Variants in CCDC88A observed in about 807,000 individuals in gnomAD.
CCDC88A encodes the protein girdin.
CCDC88A carries 54 observed loss-of-function variants against 234.3 expected under a neutral mutation model. The observed-to-expected ratio is 0.23, with a 90% CI of 0.19 to 0.29. The LOEUF (loss-of-function observed/expected upper bound fraction) is 0.29. Ranked by LOEUF, CCDC88A falls within the 10% of genes least tolerant of loss-of-function variation. The pLI is 1.00. For missense variants in CCDC88A, 1,832 were observed against 2,123.4 expected, an observed-to-expected ratio of 0.86 and a Z score of 2.70; for synonymous variants, 753 against 737.8, an observed-to-expected ratio of 1.02 and a Z score of -0.33.
intron 2 of CCDC88A, among the ~76,000 whole-genome samples, chr2:55,415,821 A>G (rs919387909): frequency 4.6e-5 from 7 of 152,212 alleles, no homozygotes; most frequent in African/African-American, 1.4e-4. Context: ...TTGCCTCAAC[A>G]GTGTGACAAA....
Position 55,418,894 on chromosome 2 carries a change from G to T in CCDC88A, c.86C>A (p.Ala29Asp), listed in dbSNP as rs1018580750. 7 of 1,613,994 alleles carry T rather than the reference G, an allele frequency of 4.3e-6. No homozygotes were observed. The highest frequency in any genetic ancestry group is 4.5e-5 in the East Asian group (2 of 44,876). ...VTWVKTFGPL[A>D]AGNGTNLDEY... Reference sequence around the variant, plus strand: ...ATCAAGGTTGGTCCCATTTCCTGCGGCCAGAGGTCCAAACGTTTTAACCTA... The same window carrying T: ...ATCAAGGTTGGTCCCATTTCCTGCGTCCAGAGGTCCAAACGTTTTAACCTA... The change falls in exon 2 of 33, where the codon GCC becomes GAC. Residue 29 changes from alanine (A) to aspartate (D), a missense_variant. Transcript: ENST00000436346.
intron 2 of CCDC88A, among the ~76,000 whole-genome samples, chr2:55,403,008 A>G (rs1678976648): frequency 1.4e-5 from 2 of 140,260 alleles, no homozygotes; most frequent in Non-Finnish European, 3.1e-5. Flanking sequence ...GACTCCGTCT[A>G]AAAAAAAAAA....
Position 55,290,417 on chromosome 2 carries a change from A to G in CCDC88A, c.*783T>C, listed in dbSNP as rs1238002587. On this transcript the variant is annotated 3_prime_UTR_variant, in exon 33 of 33. Transcript: ENST00000436346. Reference sequence around the variant, plus strand: ...AAAGCACAACAGCTTTATCTTGGGAATGCCATTTGCTGAAAAACCATCTTA... The same window carrying G: ...AAAGCACAACAGCTTTATCTTGGGAGTGCCATTTGCTGAAAAACCATCTTA... The G allele has an allele frequency of 6.6e-6, 1 of 152,092 alleles. No homozygotes were observed. The highest frequency in any genetic ancestry group is 1.5e-5 in the Non-Finnish European group (1 of 67,944). The allele number at this position is 152,092 out of a possible 1,614,324, so 9.4% of individuals were successfully genotyped here.
intron 5 of CCDC88A, among the ~76,000 whole-genome samples, chr2:55,369,945 T>C (rs1672576475): frequency 6.6e-6 from 1 of 152,200 alleles, no homozygotes; most frequent in Non-Finnish European, 1.5e-5. Flanking sequence ...GTCTTTTTTC[T>C]AAAATCCTTG....
intron 31 of CCDC88A, chr2:55,294,029 G>T (rs2104544329): frequency 6.6e-6 from 1 of 152,620 alleles, no homozygotes; most frequent in Middle Eastern, 3.4e-3. Flanking sequence ...ATTTTAGTGT[G>T]ATTATTCATT....
intron 10 of CCDC88A, among the ~76,000 whole-genome samples, chr2:55,345,183 A>T (rs1668944579): frequency 1.3e-5 from 2 of 152,174 alleles, no homozygotes; most frequent in African/African-American, 4.8e-5. Context: ...GTCTTTAAAT[A>T]ACTGGCAAAT....
intron 18 of CCDC88A, among the ~76,000 whole-genome samples, chr2:55,321,428 G>A (rs1309587026): frequency 1.3e-5 from 2 of 152,174 alleles, no homozygotes; most frequent in East Asian, 3.9e-4. Context: ...GCAGGCGCCT[G>A]TAGTCCCAGC....
At chr2:55,413,389 T>C (rs13424427) in intron 2 of CCDC88A, among the ~76,000 whole-genome samples, 2,366 of 152,264 alleles carry the variant, frequency 0.016, 67 homozygotes, top group African/African-American at 0.054. Context: ...TAGATAATCC[T>C]TCCCCATCAG....
At chr2:55,369,748 G>A (rs1053514909) in intron 5 of CCDC88A, among the ~76,000 whole-genome samples, 2 of 152,012 alleles carry the variant, frequency 1.3e-5, no homozygotes, top group Non-Finnish European at 2.9e-5. Flanking sequence ...CTTGAATAGG[G>A]TGTTTTCTCA....
chr2:55,339,474 A>C lies in CCDC88A; in HGVS notation c.1508T>G (p.Leu503Arg). 1 of 1,556,422 alleles carries C rather than the reference A, an allele frequency of 6.4e-7. No individual in the cohort carries two copies. The highest frequency in any genetic ancestry group is 8.7e-7 in the Non-Finnish European group (1 of 1,145,834). Residue 503 changes from leucine (L) to arginine (R), a missense_variant, in exon 13 of 33, where the codon CTC becomes CGC. Around this residue, in one of 6 missense-constraint regions of CCDC88A, gnomAD observed 1,282 missense variants for 1,543.6 expected, o/e 0.83. Coordinates refer to ENST00000436346, the MANE Select transcript of CCDC88A (RefSeq NM_001365480.1). ...ILKMEKENQR[L>R]SKKVEILENE... ...TACATTTTAATTTACCTTTTTACTG[A>C]GCCTTTGATTTTCTTTTTCCATTTT...
intron 17 of CCDC88A, among the ~76,000 whole-genome samples, chr2:55,326,162 T>C (rs1684233439): frequency 7.3e-6 from 1 of 136,144 alleles, no homozygotes; most frequent in African/African-American, 3.0e-5. Flanking sequence ...CTTTCTTCCC[T>C]GTTTCTTCTT....
intron 10 of CCDC88A, 98 bp from the exon 11 acceptor site, chr2:55,344,612 G>T: frequency 1.6e-6 from 1 of 633,022 alleles, no homozygotes; most frequent in Non-Finnish European, 2.5e-6. Context: ...TTTATCAACA[G>T]TTCTATGCAT....
chr2:55,373,597 C>T (rs907742127), intron 4 of CCDC88A, among the ~76,000 whole-genome samples: 9 of 152,146 alleles, frequency 5.9e-5, no homozygotes, highest in African/African-American at 1.7e-4. Context: ...ACCATAAGAG[C>T]TTCTAGAACA....
At chr2:55,300,135 T>A (rs1006761113) in intron 28 of CCDC88A, 3 of 488,646 alleles carry the variant, frequency 6.1e-6, no homozygotes, top group Non-Finnish European at 1.1e-5. Context: ...AAGAGGAGGA[T>A]AAAGTGCATA....
chr2:55,357,823 G>A (rs184757407), intron 7 of CCDC88A, among the ~76,000 whole-genome samples: 120 of 152,086 alleles, frequency 7.9e-4, no homozygotes, highest in Non-Finnish European at 8.5e-4. Flanking sequence ...ATTGCTTTCC[G>A]ATTCCAGTAT....
intron 3 of CCDC88A, among the ~76,000 whole-genome samples, chr2:55,387,511 G>A (rs896547198): frequency 1.3e-5 from 2 of 151,886 alleles, no homozygotes; most frequent in South Asian, 2.1e-4. Flanking sequence ...GCCAGGCATG[G>A]GGGCTCATGC....
rs371735739 is a variant in CCDC88A, at chr2:55,295,909, G to A, written c.5239C>T (p.Arg1747Trp). Reference protein sequence around the residue: ...GKTPGDFYDRRTTKPEFLRPG... With the variant: ...GKTPGDFYDRWTTKPEFLRPG... ...CTCAAAAACTCAGGCTTAGTTGTCC[G>A]TCTATCATAGAAGTCCCCTGGGGTT... is the stretch of plus-strand genomic sequence containing the variant. Residue 1747 changes from arginine to tryptophan, a missense_variant, in exon 31 of 33, where the codon CGG becomes TGG. By Grantham distance (101) the Arg-to-Trp change is moderately radical. Coordinates refer to ENST00000436346, the MANE Select transcript of CCDC88A (RefSeq NM_001365480.1). 1.9e-5 allele frequency: 30 copies of A among 1,613,892 alleles called. No homozygotes were observed. Among genetic ancestry groups the A allele is most frequent in the African/African-American group, 1.6e-4 (12 of 74,884 alleles).
intron 3 of CCDC88A, among the ~76,000 whole-genome samples, chr2:55,382,660 T>C (rs1404161116): frequency 6.6e-6 from 1 of 152,202 alleles, no homozygotes; most frequent in African/African-American, 2.4e-5. Flanking sequence ...TTTACTTTAT[T>C]TTCTGACTTG....
At chr2:55,379,946 A>T (rs1277172105) in intron 3 of CCDC88A, among the ~76,000 whole-genome samples, 2 of 149,914 alleles carry the variant, frequency 1.3e-5, no homozygotes, top group Non-Finnish European at 3.0e-5. Flanking sequence ...AGCAGAGGCC[A>T]TGTGCAGTGG....
Sources: allele counts gnomAD v4.1 joint callset (sites outside exome capture counted in the v4.1 genomes callset), GRCh38; gene constraint gnomAD v4.1.1; regional missense constraint gnomAD v4.1.1; transcripts MANE v1.5; gene names NCBI Gene and HGNC (gene_info 2026-07-23, HGNC 2026-07-21).